TDRD7: variants seen among roughly 807,000 people sequenced by gnomAD.
The protein encoded by TDRD7 is tudor domain containing 7.
Under a neutral mutation model 109.8 loss-of-function variants are expected in TDRD7, and 47 were observed. The observed-to-expected ratio is 0.43, with a 90% CI of 0.34 to 0.55. The LOEUF (loss-of-function observed/expected upper bound fraction) is 0.55, where lower values mean the gene tolerates loss of function less well. TDRD7 is among the 20% of genes least tolerant of loss of function. The pLI is 0.03. For missense variants in TDRD7, 1,164 were observed against 1,319.2 expected, an observed-to-expected ratio of 0.88 and a Z score of 1.82; for synonymous variants, 424 against 457.3, an observed-to-expected ratio of 0.93 and a Z score of 0.93.
At chr9:97,459,396 C>T (rs1215680172) in intron 6 of TDRD7, among the ~76,000 whole-genome samples, 1 of 152,038 alleles carries the variant, frequency 6.6e-6, no homozygotes, top group Non-Finnish European at 1.5e-5. Context: ...AGCCCATGAG[C>T]CATGAACTGC....
At chr9:97,464,100 T>A (rs1828779511) in intron 7 of TDRD7, among the ~76,000 whole-genome samples, 1 of 152,176 alleles carries the variant, frequency 6.6e-6, no homozygotes, top group African/African-American at 2.4e-5. Context: ...CTGTAAAGAT[T>A]TCCAGCAGCC....
At chr9:97,473,094 T>C (rs920102784) in intron 10 of TDRD7, among the ~76,000 whole-genome samples, 26 of 152,236 alleles carry the variant, frequency 1.7e-4, no homozygotes, top group African/African-American at 5.8e-4. Flanking sequence ...GGTTAGAAAG[T>C]AGACTGATGA....
intron 1 of TDRD7, among the ~76,000 whole-genome samples, chr9:97,413,317 A>G (rs1047877573): frequency 7.2e-5 from 11 of 152,242 alleles, no homozygotes; most frequent in Non-Finnish European, 7.3e-5. Context: ...ACCTGGATTG[A>G]AATCTGGGCT....
chr9:97,460,292 C>T lies in TDRD7; in HGVS notation c.970C>T (p.Pro324Ser). Residue 324 changes from proline (P) to serine (S), a missense_variant, in exon 7 of 17, where the codon CCC (proline) becomes TCC (serine). Pro to Ser is a moderately conservative substitution (Grantham distance 74, BLOSUM62 -1). Coordinates refer to ENST00000355295, the MANE Select transcript of TDRD7 (RefSeq NM_014290.3). ...AGTACCTCTATCCCCACTACCTGGTCCCAAACAAACACCACCGTTGAAAGG... is the reference window on the plus strand; with the variant it reads ...AGTACCTCTATCCCCACTACCTGGTTCCAAACAAACACCACCGTTGAAAGG... Reference protein sequence around the residue: ...EKVPLSPLPGPKQTPPLKGCP... With the variant: ...EKVPLSPLPGSKQTPPLKGCP... 1 of 1,614,160 alleles carries T rather than the reference C, an allele frequency of 6.2e-7. No homozygotes were observed. The highest frequency in any genetic ancestry group is 8.5e-7 in the Non-Finnish European group (1 of 1,180,030).
intron 1 of TDRD7, among the ~76,000 whole-genome samples, chr9:97,416,415 G>T (rs1433887396): frequency 1.3e-5 from 2 of 152,156 alleles, no homozygotes; most frequent in African/African-American, 2.4e-5. Flanking sequence ...AAGCTGTTGT[G>T]AATTTAATAT....
At chr9:97,434,557 A>G (rs961576139) in intron 4 of TDRD7, among the ~76,000 whole-genome samples, 5 of 152,196 alleles carry the variant, frequency 3.3e-5, no homozygotes, top group African/African-American at 1.2e-4. Flanking sequence ...TAGCCATTCC[A>G]CAGTGTACAC....
intron 13 of TDRD7, chr9:97,480,395 A>T (rs1222338839): frequency 2.8e-5 from 6 of 217,686 alleles, no homozygotes; most frequent in Non-Finnish European, 4.7e-5. Flanking sequence ...GAATGAAGCA[A>T]CAGGAGTCAG....
Position 97,428,635 on chromosome 9 carries a change from C to A in TDRD7, c.170C>A (p.Pro57Gln), listed in dbSNP as rs748302279. ...CTAGAAGCCTATCTGAGAAGTGTGC[C>A]AGCAGTGGTCAGGATAGAGACTAGT... ...PTLEAYLRSV[P>Q]AVVRIETSRS... The change falls in exon 2 of 17, where the codon CCA becomes CAA. Residue 57 changes from proline (P) to glutamine (Q), a missense_variant. This residue lies in a region of TDRD7 where 101 missense variants were observed against 148.5 expected (regional missense o/e 0.68). Transcript: ENST00000355295. 2 of 1,613,904 alleles carry A rather than the reference C, an allele frequency of 1.2e-6. No homozygotes were observed. Among genetic ancestry groups the A allele is most frequent in the South Asian group, 2.2e-5 (2 of 91,076 alleles).
chr9:97,456,357 T>A (rs7029252), intron 6 of TDRD7, among the ~76,000 whole-genome samples: 116,831 of 152,098 alleles, frequency 0.77, 45,223 homozygotes, highest in African/African-American at 0.86. Flanking sequence ...AGAAGACCCC[T>A]TATAGCCAAG....
At chr9:97,457,928 A>G (rs7031052) in intron 6 of TDRD7, among the ~76,000 whole-genome samples, 29,572 of 152,062 alleles carry the variant, frequency 0.19, 3,041 homozygotes, top group East Asian at 0.28. Flanking sequence ...TGGGAGTTGA[A>G]CATTGAGAAT....
intron 8 of TDRD7, among the ~76,000 whole-genome samples, chr9:97,467,642 G>A (rs1828842338): frequency 6.6e-6 from 1 of 152,168 alleles, no homozygotes; most frequent in Non-Finnish European, 1.5e-5. Flanking sequence ...TACAATGAAG[G>A]AAATAACCAA....
chr9:97,483,538 C>T (rs1829159752), intron 15 of TDRD7, among the ~76,000 whole-genome samples, 187 bp downstream of exon 15: 1 of 152,032 alleles, frequency 6.6e-6, no homozygotes, highest in Non-Finnish European at 1.5e-5. Context: ...ATCTATTGGC[C>T]ATATTCCTGT....
chr9:97,435,324 T>C (rs1028587106), intron 4 of TDRD7, among the ~76,000 whole-genome samples: 3 of 152,032 alleles, frequency 2.0e-5, no homozygotes, highest in Non-Finnish European at 4.4e-5. Context: ...TATTTCAGAA[T>C]AAAAAGTTTT....
chr9:97,462,066 G>T (rs1828734182), intron 7 of TDRD7, among the ~76,000 whole-genome samples: 1 of 152,178 alleles, frequency 6.6e-6, no homozygotes, highest in African/African-American at 2.4e-5. Context: ...ATATAAATAG[G>T]TTGCTGAAGG....
At chr9:97,447,761 A>G (rs1006440525) in intron 6 of TDRD7, among the ~76,000 whole-genome samples, 10 of 152,342 alleles carry the variant, frequency 6.6e-5, no homozygotes, top group South Asian at 2.1e-4. Flanking sequence ...AATGTGTCCA[A>G]TGCACATTGA....
At chr9:97,423,609 T>C (rs1827933982) in intron 1 of TDRD7, among the ~76,000 whole-genome samples, 1 of 152,170 alleles carries the variant, frequency 6.6e-6, no homozygotes, top group Non-Finnish European at 1.5e-5. Flanking sequence ...AGTAGGAGAA[T>C]AGATCATTGA....
At chr9:97,487,644 G>A (rs1829234686) in intron 16 of TDRD7, among the ~76,000 whole-genome samples, 1 of 151,310 alleles carries the variant, frequency 6.6e-6, no homozygotes, top group African/African-American at 2.4e-5. Flanking sequence ...ATCTAGTGTT[G>A]TTTTCTAATG....
chr9:97,483,467 GAAAC>G (rs1829158644), intron 15 of TDRD7, 116 bp downstream of exon 15: 2 of 1,238,458 alleles, frequency 1.6e-6, no homozygotes. Flanking sequence ...TTTTGAATGT[GAAAC>G]AAACACAGTA....
chr9:97,465,888 T>G (rs1290093034), intron 8 of TDRD7, among the ~76,000 whole-genome samples: 1 of 152,164 alleles, frequency 6.6e-6, no homozygotes, highest in Non-Finnish European at 1.5e-5. Flanking sequence ...CTTTAAGACT[T>G]GGGTTCATTT....
Sources: gnomAD v4.1 joint callset for allele counts (sites outside exome capture counted in the v4.1 genomes callset) on GRCh38, gnomAD v4.1.1 for gene constraint, gnomAD v4.1.1 regional missense constraint, MANE v1.5 for transcripts, NCBI Gene and HGNC (gene_info 2026-07-23, HGNC 2026-07-21) for gene names.